Variants in L3MBTL4 observed in about 807,000 individuals in gnomAD.
L3MBTL4 encodes the protein lethal(3)malignant brain tumor-like protein 4.
A neutral mutation model predicts 84.5 loss-of-function variants in L3MBTL4; 70 were observed. The observed-to-expected ratio is 0.83, with a 90% CI of 0.68 to 1.01. L3MBTL4 has a LOEUF of 1.01. Ranked by LOEUF, L3MBTL4 falls within the 50% of genes least tolerant of loss-of-function variation. The probability of loss-of-function intolerance (pLI) is 0.00; values close to 1 mark genes in which losing one functional copy is unlikely to be tolerated. For synonymous variants in L3MBTL4, 274 were observed against 259.8 expected (o/e 1.05, Z -0.52); for missense variants, 715 against 754.8 (o/e 0.95, Z 0.62).
chr18:6,109,128 T>C (rs1568134070), intron 14 of L3MBTL4, among the ~76,000 whole-genome samples: 1 of 152,142 alleles, frequency 6.6e-6, no homozygotes, highest in African/African-American at 2.4e-5. Flanking sequence ...TGAAGGTACA[T>C]CAGGATTTCT....
At chr18:6,176,032 C>G (rs1033595228) in intron 12 of L3MBTL4, among the ~76,000 whole-genome samples, 1 of 151,818 alleles carries the variant, frequency 6.6e-6, no homozygotes, top group African/African-American at 2.4e-5. Flanking sequence ...GAAAACATTC[C>G]TAAGAGAAAT....
intron 1 of L3MBTL4, among the ~76,000 whole-genome samples, chr18:6,385,860 C>T (rs1440770930): frequency 6.6e-6 from 1 of 152,098 alleles, no homozygotes; most frequent in Non-Finnish European, 1.5e-5. Flanking sequence ...TAGGGAAACA[C>T]CAAAATCTCC....
chr18:6,197,375 G>C (rs1463482241), intron 12 of L3MBTL4, among the ~76,000 whole-genome samples: 1 of 152,116 alleles, frequency 6.6e-6, no homozygotes. Flanking sequence ...TTGGTTTTCT[G>C]TTCCTGCATT....
chr18:6,184,800 A>G (rs1294480365), intron 12 of L3MBTL4, among the ~76,000 whole-genome samples: 1 of 152,214 alleles, frequency 6.6e-6, no homozygotes, highest in Non-Finnish European at 1.5e-5. Flanking sequence ...ATACAGTCAG[A>G]ACCCCGCGTA....
At chr18:6,031,984 C>CTTT in intron 16 of L3MBTL4, 3 of 327,008 alleles carry the variant, frequency 9.2e-6, no homozygotes, top group Non-Finnish European at 1.3e-5. Context: ...TTCTTTCTTT[C>CTTT]TTTTTTTTTT....
chr18:6,041,380 A>G (rs1175747688), intron 16 of L3MBTL4, among the ~76,000 whole-genome samples: 1 of 151,882 alleles, frequency 6.6e-6, no homozygotes, highest in Non-Finnish European at 1.5e-5. Flanking sequence ...TGGGGTCTTC[A>G]ATGGACTGGC....
At chr18:6,265,632 G>A (rs1034678381) in intron 4 of L3MBTL4, among the ~76,000 whole-genome samples, 5 of 152,148 alleles carry the variant, frequency 3.3e-5, no homozygotes, top group Non-Finnish European at 7.3e-5. Flanking sequence ...ACACAAAACG[G>A]TGTCTATTTA....
intron 1 of L3MBTL4, among the ~76,000 whole-genome samples, chr18:6,316,807 C>T (rs914899095): frequency 1.3e-5 from 2 of 152,132 alleles, no homozygotes; most frequent in Admixed American, 6.5e-5. Flanking sequence ...CCCACCCTTC[C>T]CCCTGATGAG....
At chr18:6,126,823 G>C (rs568975540) in intron 14 of L3MBTL4, among the ~76,000 whole-genome samples, 4 of 152,092 alleles carry the variant, frequency 2.6e-5, no homozygotes, top group African/African-American at 7.2e-5. Context: ...AGAATTAAAA[G>C]GTTCTTTAAA....
intron 12 of L3MBTL4, among the ~76,000 whole-genome samples, chr18:6,204,469 T>C (rs1193470931): frequency 6.6e-6 from 1 of 152,192 alleles, no homozygotes; most frequent in African/African-American, 2.4e-5. Context: ...AGATCTTGCA[T>C]ATACCACCTG....
At chr18:6,255,503 A>G (rs1418364146) in intron 5 of L3MBTL4, among the ~76,000 whole-genome samples, 4 of 152,216 alleles carry the variant, frequency 2.6e-5, no homozygotes, top group Non-Finnish European at 5.9e-5. Context: ...ACCTTTAGAA[A>G]CTACGGGAAA....
intron 14 of L3MBTL4, among the ~76,000 whole-genome samples, chr18:6,131,475 TAA>T (rs937066438): frequency 6.6e-6 from 1 of 152,188 alleles, no homozygotes; most frequent in Non-Finnish European, 1.5e-5. Context: ...AAGTGTCTTG[TAA>T]AATGATGCCT....
At chr18:6,353,136 C>A (rs1464579888) in intron 1 of L3MBTL4, among the ~76,000 whole-genome samples, 1 of 152,170 alleles carries the variant, frequency 6.6e-6, no homozygotes, top group Non-Finnish European at 1.5e-5. Context: ...CTATTAAATA[C>A]ACACTTGAAA....
Position 6,163,874 on chromosome 18 carries a change from G to C in L3MBTL4, c.1096+7954C>G, listed in dbSNP as rs183357356. 2.4e-4 allele frequency among the ~76,000 whole-genome samples: 37 copies of C among 152,306 alleles called. 1 individual carries two copies. In the East Asian group the frequency reaches 7.2e-3, roughly 30 times the overall value. ...AGTGCACTGTGTGTGAGCTGAAGCA[G>C]GGCGAGGCATCAACTCACCCGGGAA... On this transcript the variant is annotated intron_variant, in intron 13 of 18. Coordinates refer to ENST00000317931, the MANE Select transcript of L3MBTL4 (RefSeq NM_001330559.2).
intron 16 of L3MBTL4, among the ~76,000 whole-genome samples, chr18:6,009,206 C>T (rs769965779): frequency 2.0e-5 from 3 of 152,276 alleles, no homozygotes; most frequent in Admixed American, 1.3e-4. Flanking sequence ...GCAACCTAAA[C>T]GTAAGGGCCA....
intron 4 of L3MBTL4, among the ~76,000 whole-genome samples, chr18:6,271,478 C>T (rs1040797303): frequency 2.0e-5 from 3 of 152,110 alleles, no homozygotes; most frequent in Non-Finnish European, 2.9e-5. Context: ...AAAATAGTCC[C>T]GAAGCTGCCG....
At chr18:6,378,699 C>T (rs549377264) in intron 1 of L3MBTL4, among the ~76,000 whole-genome samples, 1 of 152,248 alleles carries the variant, frequency 6.6e-6, no homozygotes, top group African/African-American at 2.4e-5. Flanking sequence ...GGTACCAGTA[C>T]CGTGCTGTTT....
chr18:5,997,510 C>G (rs538860682), intron 16 of L3MBTL4, among the ~76,000 whole-genome samples: 8 of 152,290 alleles, frequency 5.3e-5, no homozygotes, highest in Admixed American at 1.3e-4. Context: ...GACTATCCCT[C>G]TACCTTCCTC....
Position 6,244,547 on chromosome 18 carries a change from T to A in L3MBTL4, c.261A>T (p.Gly87=). 6.2e-7 allele frequency: 1 copy of A among 1,613,952 alleles called. No homozygotes were observed. The highest frequency in any genetic ancestry group is 8.5e-7 in the Non-Finnish European group (1 of 1,179,848). The change falls in exon 6 of 19, where the codon GGA becomes GGT. Residue 87 remains glycine, a synonymous_variant. Coordinates refer to ENST00000317931, the MANE Select transcript of L3MBTL4 (RefSeq NM_001330559.2). Reference sequence around the variant, plus strand: ...GGGGATCAATGCCTTCTAATCTCATTCCAATCTGAAAACCATTTTCATGCT... The same window carrying A: ...GGGGATCAATGCCTTCTAATCTCATACCAATCTGAAAACCATTTTCATGCT... ...FPEHENGFQI[G]MRLEGIDPRH... is the part of the protein sequence containing the mutation.
Sources: gnomAD v4.1 joint callset for allele counts (sites outside exome capture counted in the v4.1 genomes callset) on GRCh38, gnomAD v4.1.1 for gene constraint, MANE v1.5 for transcripts, NCBI Gene and HGNC (gene_info 2026-07-23, HGNC 2026-07-21) for gene names.